SLC4A4: variants seen among roughly 807,000 people sequenced by gnomAD.
SLC4A4 encodes solute carrier family 4 member 4.
A neutral mutation model predicts 111.5 loss-of-function variants in SLC4A4; 27 were observed. The observed-to-expected ratio is 0.24, with a 90% CI of 0.18 to 0.33. The LOEUF (loss-of-function observed/expected upper bound fraction) is 0.33. Among genes scored for constraint, SLC4A4 ranks in the 10% least tolerant of loss-of-function variants. SLC4A4 has a pLI of 1.00. For synonymous variants in SLC4A4, 443 were observed against 463.4 expected, an observed-to-expected ratio of 0.96 and a Z score of 0.57; for missense variants, 909 against 1,315.5, an observed-to-expected ratio of 0.69 and a Z score of 4.78.
chr4:71,548,188 CTTAA>C (rs1735692938), intron 20 of SLC4A4, among the ~76,000 whole-genome samples: 1 of 151,868 alleles, frequency 6.6e-6, no homozygotes, highest in Admixed American at 6.6e-5. Context: ...TTCGACTATT[CTTAA>C]TTATTACTTT....
chr4:71,555,695 G>T (rs2149247476), intron 21 of SLC4A4, among the ~76,000 whole-genome samples: 1 of 151,928 alleles, frequency 6.6e-6, no homozygotes, highest in South Asian at 2.1e-4. Flanking sequence ...TGCTTTTGTT[G>T]AAAACTTCAG....
intron 1 of SLC4A4, among the ~76,000 whole-genome samples, chr4:71,071,076 G>T (rs989583569): frequency 6.6e-6 from 1 of 150,394 alleles, no homozygotes; most frequent in African/African-American, 2.5e-5. Flanking sequence ...TTGGAGACCA[G>T]CCTGGCCAAC....
At chr4:71,439,806 C>A (rs1002235747) in intron 7 of SLC4A4, among the ~76,000 whole-genome samples, 1 of 151,552 alleles carries the variant, frequency 6.6e-6, no homozygotes, top group African/African-American at 2.4e-5. Context: ...CGTCTTCCCT[C>A]TCCGTCTTTC....
At chr4:71,343,232 C>A (rs1729036259) in intron 4 of SLC4A4, among the ~76,000 whole-genome samples, 1 of 151,974 alleles carries the variant, frequency 6.6e-6, no homozygotes, top group South Asian at 2.1e-4. Context: ...ATTAATTGAC[C>A]AAATCAGGGT....
At chr4:71,362,575 A>C (rs866482202) in intron 6 of SLC4A4, among the ~76,000 whole-genome samples, 5 of 152,212 alleles carry the variant, frequency 3.3e-5, no homozygotes, top group Non-Finnish European at 7.3e-5. Flanking sequence ...TTGGAAAGAA[A>C]CTAGCAGATA....
intron 4 of SLC4A4, among the ~76,000 whole-genome samples, chr4:71,346,071 A>T (rs996516253): frequency 6.6e-6 from 1 of 152,032 alleles, no homozygotes; most frequent in Non-Finnish European, 1.5e-5. Context: ...TATGTTATTA[A>T]GTTAGAGGTC....
chr4:71,339,782 A>G (rs1728736634), intron 4 of SLC4A4, among the ~76,000 whole-genome samples: 1 of 152,216 alleles, frequency 6.6e-6, no homozygotes. Context: ...CTCAATTTAT[A>G]TACTATTTAA....
chr4:71,135,703 T>C lies in SLC4A4; in HGVS notation c.-2+42911T>C, dbSNP rs147774298. On this transcript the variant is annotated intron_variant, in intron 2 of 26. Transcript: ENST00000649996. ...GAACTTATTTCTCCTAACTGAAATT[T>C]TGTACCCTTTGACTGACATAATCCA... Among the ~76,000 whole-genome samples the C allele has an allele frequency of 3.0e-4, 46 of 152,312 alleles. 1 individual carries two copies. The highest frequency in any genetic ancestry group is 1.1e-3 in the African/African-American group (45 of 41,566).
chr4:71,260,571 G>A (rs1010987974), intron 3 of SLC4A4, among the ~76,000 whole-genome samples: 4 of 152,122 alleles, frequency 2.6e-5, no homozygotes, highest in Admixed American at 6.6e-5. Context: ...ATAAGTAGGA[G>A]GAAGTACTTT....
chr4:71,172,583 C>T (rs912904461), intron 2 of SLC4A4, among the ~76,000 whole-genome samples: 1 of 152,154 alleles, frequency 6.6e-6, no homozygotes, highest in Non-Finnish European at 1.5e-5. Flanking sequence ...CAAATGTTTG[C>T]AGAATATGAA....
At chr4:71,121,944 G>A (rs184219530) in intron 2 of SLC4A4, among the ~76,000 whole-genome samples, 12 of 152,126 alleles carry the variant, frequency 7.9e-5, no homozygotes, top group Admixed American at 2.0e-4. Context: ...GAACAACTCC[G>A]GACGGGAGGA....
intron 7 of SLC4A4, among the ~76,000 whole-genome samples, chr4:71,434,050 T>C (rs1161381009): frequency 1.3e-5 from 2 of 152,068 alleles, no homozygotes; most frequent in African/African-American, 2.4e-5. Context: ...TACTATATCA[T>C]GTGTATGCCC....
At chr4:71,507,795 TCTC>T (rs980028014) in intron 16 of SLC4A4, among the ~76,000 whole-genome samples, 25 of 152,186 alleles carry the variant, frequency 1.6e-4, no homozygotes, top group Middle Eastern at 3.2e-3. Flanking sequence ...TATACTTTCT[TCTC>T]ATCACCACAC....
At chr4:71,280,881 TC>T (rs1723459966) in intron 3 of SLC4A4, among the ~76,000 whole-genome samples, 1 of 152,228 alleles carries the variant, frequency 6.6e-6, no homozygotes, top group African/African-American at 2.4e-5. Flanking sequence ...CATTTATTTT[TC>T]ACCTAAATAT....
chr4:71,299,259 A>T (rs987952485), intron 3 of SLC4A4, among the ~76,000 whole-genome samples: 12 of 152,248 alleles, frequency 7.9e-5, no homozygotes, highest in Non-Finnish European at 1.5e-5. Context: ...GGTGCTAAGG[A>T]AATGAGTAGC....
intron 1 of SLC4A4, among the ~76,000 whole-genome samples, chr4:71,200,224 T>A (rs1198988047): frequency 6.6e-6 from 1 of 152,188 alleles, no homozygotes; most frequent in Admixed American, 6.5e-5. Flanking sequence ...GGAGGCTGAT[T>A]GTGAGAAACT....
rs545606479 is a variant in SLC4A4, at chr4:71,328,803, T to G, written c.254-10567T>G. On this transcript the variant is annotated intron_variant, in intron 3 of 25. Transcript: ENST00000264485. The stretch of plus-strand genomic sequence containing the variant: ...ACTTTGTTGATTGTTTTCTTTGCTG[T>G]GCAGAAGCTTTTTAACTTGATGTGA... Among the ~76,000 whole-genome samples the G allele has an allele frequency of 2.0e-5, 3 of 152,282 alleles. No individual in the cohort carries two copies. In the South Asian group the frequency reaches 6.2e-4, roughly 32 times the overall value.
Position 71,089,436 on chromosome 4 carries a change from G to A in SLC4A4, c.-64-3294G>A, listed in dbSNP as rs566579844. On this transcript the variant is annotated intron_variant, in intron 1 of 26. Coordinates refer to the SLC4A4 transcript ENST00000649996. ...TCTGTCCAGCTTTGTTCCATTGCTG[G>A]TGAGGAGCTGTGTTCCTTTGGAGGA... is the stretch of plus-strand genomic sequence containing the variant. Among the ~76,000 whole-genome samples, 21 of 152,204 alleles carry A rather than the reference G, an allele frequency of 1.4e-4. No individual in the cohort carries two copies. The East Asian group carries it at 3.9e-3, about 28-fold the overall frequency.
intron 14 of SLC4A4, among the ~76,000 whole-genome samples, chr4:71,480,943 C>T (rs983205803): frequency 1.3e-5 from 2 of 151,732 alleles, no homozygotes; most frequent in Admixed American, 6.6e-5. Context: ...AGCTGACATT[C>T]ATCCCAGGGA....
Sources: gnomAD v4.1 joint callset for allele counts (sites outside exome capture counted in the v4.1 genomes callset) on GRCh38, gnomAD v4.1.1 for gene constraint, MANE v1.5 for transcripts, NCBI Gene and HGNC (gene_info 2026-07-23, HGNC 2026-07-21) for gene names.